The following MYOD1 variants were observed in gnomAD, a reference collection of about 807,000 sequenced individuals.
MYOD1 encodes myogenic differentiation 1.
A neutral mutation model predicts 14.9 loss-of-function variants in MYOD1; 15 were observed. The observed-to-expected ratio is 1.01, with a 90% CI of 0.67 to 1.55. MYOD1 has a LOEUF of 1.55. Among genes scored for constraint, MYOD1 ranks in the 40% most tolerant of loss-of-function variants. MYOD1 has a pLI of 0.00. For missense variants in MYOD1, 529 were observed against 482.6 expected, an observed-to-expected ratio of 1.10 and a Z score of -0.90; for synonymous variants, 235 against 218.6, an observed-to-expected ratio of 1.07 and a Z score of -0.66.
chr11:17,719,959 C>T lies in MYOD1; in HGVS notation c.177C>T (p.Pro59=). 1 of 1,613,358 alleles carries T rather than the reference C, an allele frequency of 6.2e-7. No individual in the cohort carries two copies. Among genetic ancestry groups the T allele is most frequent in the Non-Finnish European group, 8.5e-7 (1 of 1,179,858 alleles). The change falls in exon 1 of 3, where the codon CCC becomes CCT. Residue 59 remains proline (P), a synonymous_variant. Transcript: ENST00000250003. ...TGCACGTGGGCGCGCTCCTGAAACCCGAAGAGCACTCGCACTTCCCCGCGG... is the reference window on the plus strand; with the variant it reads ...TGCACGTGGGCGCGCTCCTGAAACCTGAAGAGCACTCGCACTTCCCCGCGG... The part of the protein sequence containing the change: ...RLMHVGALLK[P]EEHSHFPAAV...
rs1000948922 is a variant in MYOD1 at position 17,721,858 on chromosome 11, G to C, written c.*350G>C. The C allele has an allele frequency of 6.4e-6, 2 of 312,158 alleles. No individual in the cohort carries two copies. Among genetic ancestry groups the C allele is most frequent in the African/African-American group, 2.1e-5 (1 of 47,396 alleles). The allele number at this position is 312,158 out of a possible 1,614,324, so 19.3% of individuals were successfully genotyped here. A position where few individuals can be genotyped will look rare whatever the true frequency, so the allele number is the denominator to read the frequency against. ...GCCCCGGGATGCACCGGTTATTTGG[G>C]GGGGCGTGAGACCCAGTGCACTCCG... is the stretch of plus-strand genomic sequence containing the variant. On this transcript the variant is annotated 3_prime_UTR_variant, in exon 3 of 3. Transcript: ENST00000250003. The surrounding 1 kb of genome is among the most constrained non-coding windows in gnomAD (Gnocchi z 6.2).
At position 17,721,342 on chromosome 11, in the gene MYOD1, C is replaced by A. The variant is rs1359388141; in HGVS notation, c.797C>A (p.Ala266Glu). The A allele has an allele frequency of 1.3e-6, 2 of 1,594,184 alleles. No individual in the cohort carries two copies. The highest frequency in any genetic ancestry group is 1.7e-6 in the Non-Finnish European group (2 of 1,176,664). ...VERISTESPA[A>E]PALLLADVPS... The stretch of plus-strand genomic sequence containing the variant: ...CGCATCTCCACCGAGAGCCCTGCGG[C>A]GCCCGCCCTCCTGCTGGCGGACGTG... The change falls in exon 3 of 3, where the codon GCG becomes GAG. Residue 266 changes from alanine (A) to glutamate (E), a missense_variant. By Grantham distance (107) the Ala-to-Glu change is moderately radical. Transcript: ENST00000250003. This position sits in a 1 kb window ranked among gnomAD's most constrained non-coding sequence, Gnocchi z 6.2.
chr11:17,721,332 A>AGCCCTGCGGCGCCCGCC lies in MYOD1; in HGVS notation c.788_804dup (p.Leu269AlafsTer73), dbSNP rs775739147. ...CATCGTGGAGCGCATCTCCACCGAG[A>AGCCCTGCGGCGCCCGCC]GCCCTGCGGCGCCCGCCCTCCTGCT... On this transcript the variant is annotated frameshift_variant, in exon 3 of 3. Transcript: ENST00000250003. LOFTEE classifies it low-confidence loss of function (END_TRUNC). The surrounding 1 kb of genome is among the most constrained non-coding windows in gnomAD (Gnocchi z 6.2). 1.9e-6 allele frequency: 3 copies of AGCCCTGCGGCGCCCGCC among 1,594,222 alleles called. No homozygotes were observed. In the South Asian group the frequency reaches 3.3e-5, roughly 18 times the overall value.
Position 17,720,389 on chromosome 11 carries a change from C to A in MYOD1, c.607C>A (p.Arg203Ser). The change falls in exon 1 of 3, where the codon CGC (arginine) becomes AGC (serine). Residue 203 changes from arginine (R) to serine (S), a missense_variant. Transcript: ENST00000250003. Reference protein sequence around the residue: ...YSGDSDASSPRSNCSDGMMDY... With the variant: ...YSGDSDASSPSSNCSDGMMDY... ...CGGCGACTCCGACGCGTCCAGCCCGCGCTCCAACTGCTCCGACGGCATGGT... is the reference window on the plus strand; with the variant it reads ...CGGCGACTCCGACGCGTCCAGCCCGAGCTCCAACTGCTCCGACGGCATGGT... 2 of 1,563,772 alleles carry A rather than the reference C, an allele frequency of 1.3e-6. No individual in the cohort carries two copies. The highest frequency in any genetic ancestry group is 8.6e-7 in the Non-Finnish European group (1 of 1,164,870).
At position 17,719,928 on chromosome 11, in the gene MYOD1, G is replaced by A. The variant is rs769475374; in HGVS notation, c.146G>A (p.Arg49His). 4 of 1,613,734 alleles carry A rather than the reference G, an allele frequency of 2.5e-6. No individual in the cohort carries two copies. The highest frequency in any genetic ancestry group is 1.7e-5 in the Admixed American group (1 of 60,008). Residue 49 changes from arginine (R) to histidine (H), a missense_variant, in exon 1 of 3, where the codon CGC becomes CAC. Physicochemically the swap from Arg to His is conservative, Grantham distance 29. Transcript: ENST00000250003. ...DLRFFEDLDP[R>H]LMHVGALLKP... ...CGCTTCTTCGAAGACCTGGACCCGC[G>A]CCTGATGCACGTGGGCGCGCTCCTG... is the stretch of plus-strand genomic sequence containing the variant.
chr11:17,720,314 T>G lies in MYOD1; in HGVS notation c.532T>G (p.Phe178Val), dbSNP rs1278214030. Reference protein sequence around the residue: ...DAAPPGAAAAFYAPGPLPPGR... With the variant: ...DAAPPGAAAAVYAPGPLPPGR... The stretch of plus-strand genomic sequence containing the variant: ...CGCGCCCCCTGGCGCCGCAGCCGCC[T>G]TCTATGCGCCGGGCCCGCTGCCCCC... Residue 178 changes from phenylalanine to valine, a missense_variant, in exon 1 of 3, where the codon TTC becomes GTC. Phe to Val is a conservative substitution (Grantham distance 50, BLOSUM62 -1). Coordinates refer to ENST00000250003, the MANE Select transcript of MYOD1 (RefSeq NM_002478.5). 1 of 1,585,498 alleles carries G rather than the reference T, an allele frequency of 6.3e-7. No individual in the cohort carries two copies. The highest frequency in any genetic ancestry group is 8.5e-7 in the Non-Finnish European group (1 of 1,170,374).
Position 17,720,415 on chromosome 11 carries a change from A to AT in MYOD1, c.630+3_630+4insT. 1 of 1,559,250 alleles carries AT rather than the reference A, an allele frequency of 6.4e-7. No homozygotes were observed. ...GCTCCAACTGCTCCGACGGCATGGT[A>AT]AGGCCGGGACCCCAGGAAGTGAGGA... On this transcript the variant is annotated splice_donor_region_variant and intron_variant, in intron 1 of 2. Transcript: ENST00000250003.
At position 17,721,496 on chromosome 11, in the gene MYOD1, C is replaced by T. The variant is rs369250175; in HGVS notation, c.951C>T (p.Tyr317=). 7.1e-6 allele frequency: 11 copies of T among 1,556,416 alleles called. No homozygotes were observed. The highest frequency in any genetic ancestry group is 9.5e-6 in the Non-Finnish European group (11 of 1,155,936). Residue 317 remains tyrosine (Y), a synonymous_variant, in exon 3 of 3, where the codon TAC becomes TAT. Transcript: ENST00000250003. The surrounding 1 kb of genome is among the most constrained non-coding windows in gnomAD (Gnocchi z 6.2). ...CPAGANPNPI[Y]QVL ...CGGGTGCGAACCCCAACCCGATATA[C>T]CAGGTGCTCTGAGGGGATGGTGGCC...
At position 17,721,510 on chromosome 11, in the gene MYOD1, G is replaced by A. The variant is rs748753688; in HGVS notation, c.*2G>A. Reference sequence around the variant, plus strand: ...AACCCGATATACCAGGTGCTCTGAGGGGATGGTGGCCGCCCACCCGCCCGA... The same window carrying A: ...AACCCGATATACCAGGTGCTCTGAGAGGATGGTGGCCGCCCACCCGCCCGA... On this transcript the variant is annotated 3_prime_UTR_variant, in exon 3 of 3. Transcript: ENST00000250003. The surrounding 1 kb of genome is among the most constrained non-coding windows in gnomAD (Gnocchi z 6.2). The A allele has an allele frequency of 8.6e-6, 13 of 1,515,762 alleles. 1 individual carries two copies. The South Asian group carries it at 1.6e-4, about 19-fold the overall frequency. The allele number at this position is 1,515,762 out of a possible 1,614,324, so 93.9% of individuals were successfully genotyped here. A position where few individuals can be genotyped will look rare whatever the true frequency, so the allele number is the denominator to read the frequency against.
chr11:17,721,023 TGGAGCTGTCCTG>T lies in MYOD1; in HGVS notation c.709+45_709+56del. 1 of 1,533,890 alleles carries T rather than the reference TGGAGCTGTCCTG, an allele frequency of 6.5e-7. No individual in the cohort carries two copies. Among genetic ancestry groups the T allele is most frequent in the Non-Finnish European group, 8.8e-7 (1 of 1,136,508 alleles). ...CTCCCTGCTCGCTCCTCCTCCTTCATGGAGCTGTCCTGGCCTCTATCTAGGACGCTCCCACCC... is the reference window on the plus strand; with the variant it reads ...CTCCCTGCTCGCTCCTCCTCCTTCATGCCTCTATCTAGGACGCTCCCACCC... On this transcript the variant is annotated intron_variant, in intron 2 of 2. Transcript: ENST00000250003. This position sits in a 1 kb window ranked among gnomAD's most constrained non-coding sequence, Gnocchi z 6.2.
At position 17,720,794 on chromosome 11, in the gene MYOD1, C is replaced by A; in HGVS notation, c.631-108C>A. 3 of 1,261,118 alleles carry A rather than the reference C, an allele frequency of 2.4e-6. No homozygotes were observed. The South Asian group carries it at 4.2e-5, about 18-fold the overall frequency. 78.1% of individuals were successfully genotyped at this position (1,261,118 alleles called of 1,614,324 possible). On this transcript the variant is annotated intron_variant, in intron 1 of 2. Transcript: ENST00000250003. The stretch of plus-strand genomic sequence containing the variant: ...CCCCCAACCAGGACAGGTCTGGGCC[C>A]GGAACTAGAGCCTTAGGCTAGAGTT...
At position 17,721,278 on chromosome 11, in the gene MYOD1, G is replaced by T. The variant is rs1848634884; in HGVS notation, c.733G>T (p.Ala245Ser). The T allele has an allele frequency of 6.4e-7, 1 of 1,572,370 alleles. No homozygotes were observed. Residue 245 changes from alanine to serine, a missense_variant, in exon 3 of 3, where the codon GCG (alanine) becomes TCG (serine). Transcript: ENST00000250003. The surrounding 1 kb of genome is among the most constrained non-coding windows in gnomAD (Gnocchi z 6.2). ...PSEPRPGKSA[A>S]VSSLDCLSSI... ...AGAACCCAGGCCCGGGAAGAGTGCG[G>T]CGGTGTCGAGCCTAGACTGCCTGTC... is the stretch of plus-strand genomic sequence containing the variant.
Position 17,720,076 on chromosome 11 carries a change from C to A in MYOD1, c.294C>A (p.Cys98Ter). 1 of 1,570,574 alleles carries A rather than the reference C, an allele frequency of 6.4e-7. No individual in the cohort carries two copies. Among genetic ancestry groups the A allele is most frequent in the Non-Finnish European group, 8.6e-7 (1 of 1,157,788 alleles). ...HQAGRCLLWA[C>*]KACKRKTTNA... ...CGGGCCGCTGCCTACTGTGGGCCTG[C>A]AAGGCGTGCAAGCGCAAGACCACCA... Residue 98 changes from cysteine to a stop codon, truncating the protein, a stop_gained, in exon 1 of 3, where the codon TGC becomes TGA. Coordinates refer to ENST00000250003, the MANE Select transcript of MYOD1 (RefSeq NM_002478.5). LOFTEE classifies it high-confidence loss of function.
chr11:17,719,767 G>C lies in MYOD1; in HGVS notation c.-16G>C. 2 of 1,604,810 alleles carry C rather than the reference G, an allele frequency of 1.2e-6. No individual in the cohort carries two copies. Among genetic ancestry groups the C allele is most frequent in the Non-Finnish European group, 1.7e-6 (2 of 1,175,226 alleles). On this transcript the variant is annotated 5_prime_UTR_variant, in exon 1 of 3. Transcript: ENST00000250003. ...GGTTGGGCGAAGCCAGGACCGTGCC[G>C]CGCCACCGCCAGGATATGGAGCTAC... is the stretch of plus-strand genomic sequence containing the variant.
Position 17,720,970 on chromosome 11 carries a change from G to A in MYOD1, c.699G>A (p.Glu233=), listed in dbSNP as rs1590084463. The A allele has an allele frequency of 1.3e-6, 2 of 1,598,316 alleles. No individual in the cohort carries two copies. Among genetic ancestry groups the A allele is most frequent in the Non-Finnish European group, 1.7e-6 (2 of 1,173,590 alleles). The change falls in exon 2 of 3, where the codon GAG becomes GAA. Residue 233 remains glutamate, a synonymous_variant. Coordinates refer to ENST00000250003, the MANE Select transcript of MYOD1 (RefSeq NM_002478.5). ...GCTACGAAGGCGCCTACTACAACGA[G>A]GCGCCCAGCGGTGGGTATTCCGGGC... The part of the protein sequence containing the change: ...RNCYEGAYYN[E]APSEPRPGKS...
Position 17,719,685 on chromosome 11 carries a change from C to T in MYOD1, c.-98C>T. 1 of 1,456,452 alleles carries T rather than the reference C, an allele frequency of 6.9e-7. No individual in the cohort carries two copies. The highest frequency in any genetic ancestry group is 1.3e-5 in the South Asian group (1 of 74,592). 90.2% of individuals were successfully genotyped at this position (1,456,452 alleles called of 1,614,324 possible). A position where few individuals can be genotyped will look rare whatever the true frequency, so the allele number is the denominator to read the frequency against. ...GGGCATTCAGACTGCCAGCACTTTGCTATCTACAGCCGGGGCTCCCGAGCG... is the reference window on the plus strand; with the variant it reads ...GGGCATTCAGACTGCCAGCACTTTGTTATCTACAGCCGGGGCTCCCGAGCG... On this transcript the variant is annotated 5_prime_UTR_variant, in exon 1 of 3. Transcript: ENST00000250003.
chr11:17,721,782 C>A lies in MYOD1; in HGVS notation c.*274C>A. On this transcript the variant is annotated 3_prime_UTR_variant, in exon 3 of 3. Transcript: ENST00000250003. The surrounding 1 kb of genome is among the most constrained non-coding windows in gnomAD (Gnocchi z 6.2). ...CTGAACCTTGAGGGGCTAGGTTCAGCTTTCTCGCGCCCTCCCCCATGGGGG... is the reference window on the plus strand; with the variant it reads ...CTGAACCTTGAGGGGCTAGGTTCAGATTTCTCGCGCCCTCCCCCATGGGGG... The A allele has an allele frequency of 4.8e-6, 2 of 418,338 alleles. No individual in the cohort carries two copies. Among genetic ancestry groups the A allele is most frequent in the East Asian group, 7.7e-5 (2 of 25,910 alleles). 25.9% of individuals were successfully genotyped at this position (418,338 alleles called of 1,614,324 possible).
chr11:17,720,398 T>G lies in MYOD1; in HGVS notation c.616T>G (p.Cys206Gly), dbSNP rs754448312. 4 of 1,564,206 alleles carry G rather than the reference T, an allele frequency of 2.6e-6. No homozygotes were observed. The African/African-American group carries it at 4.3e-5, about 17-fold the overall frequency. The stretch of plus-strand genomic sequence containing the variant: ...CGACGCGTCCAGCCCGCGCTCCAAC[T>G]GCTCCGACGGCATGGTAAGGCCGGG... ...DSDASSPRSN[C>G]SDGMMDYSGP... Residue 206 changes from cysteine to glycine, a missense_variant, in exon 1 of 3, where the codon TGC becomes GGC. Transcript: ENST00000250003.
In MYOD1 at chr11:17,721,072, C is replaced by G. The variant is rs1320068133; in HGVS notation, c.709+92C>G. 2 of 1,417,358 alleles carry G rather than the reference C, an allele frequency of 1.4e-6. No individual in the cohort carries two copies. The highest frequency in any genetic ancestry group is 1.9e-6 in the Non-Finnish European group (2 of 1,066,888). The allele number at this position is 1,417,358 out of a possible 1,614,324, so 87.8% of individuals were successfully genotyped here. ...GGACGCTCCCACCCCCACTCACACA[C>G]GCCTATGTCCTGGGAAGTGGTGCAG... On this transcript the variant is annotated intron_variant, in intron 2 of 2. Transcript: ENST00000250003. This position sits in a 1 kb window ranked among gnomAD's most constrained non-coding sequence, Gnocchi z 6.2.
Sources: gnomAD v4.1 joint callset for allele counts on GRCh38, gnomAD v4.1.1 for gene constraint, Gnocchi (gnomAD v3.1) non-coding constraint, MANE v1.5 for transcripts, NCBI Gene and HGNC (gene_info 2026-07-23, HGNC 2026-07-21) for gene names.